Variants in DNAH3 observed in about 807,000 individuals in gnomAD.
DNAH3 encodes axonemal beta dynein heavy chain 3.
A neutral mutation model predicts 432.5 loss-of-function variants in DNAH3; 332 were observed. The ratio of observed to expected loss-of-function variants is 0.77; its 90% confidence interval spans 0.70 to 0.84. DNAH3 has a LOEUF of 0.84. DNAH3 is among the 40% of genes least tolerant of loss of function. The pLI is 0.00. For synonymous variants in DNAH3, 1,956 were observed against 1,900.2 expected, an observed-to-expected ratio of 1.03 and a Z score of -0.76; for missense variants, 4,861 against 5,114.0, an observed-to-expected ratio of 0.95 and a Z score of 1.51.
Position 21,026,982 on chromosome 16 carries a change from G to C in DNAH3, c.5540+45C>G, listed in dbSNP as rs752256253. The C allele has an allele frequency of 1.0e-4, 144 of 1,387,890 alleles. 2 individuals are homozygous for C. In the South Asian group the frequency reaches 1.7e-3, roughly 16 times the overall value. 86.0% of individuals were successfully genotyped at this position (1,387,890 alleles called of 1,614,324 possible). A position where few individuals can be genotyped will look rare whatever the true frequency, so the allele number is the denominator to read the frequency against. The stretch of plus-strand genomic sequence containing the variant: ...GAGCTTTCTCTTTTGCTTAGGGTGA[G>C]TGGAGCCACACTGTCCCCCGGGGTG... On this transcript the variant is annotated intron_variant, in intron 38 of 61. Transcript: ENST00000261383.
At chr16:20,988,784 G>A (rs1302315954) in intron 44 of DNAH3, among the ~76,000 whole-genome samples, 1 of 152,184 alleles carries the variant, frequency 6.6e-6, no homozygotes, top group Non-Finnish European at 1.5e-5. Context: ...CAGCTCTTAA[G>A]GTGGCGCGTC....
chr16:20,936,623 C>G (rs2083598378), intron 60 of DNAH3, 26 bp downstream of exon 60: 1 of 1,562,770 alleles, frequency 6.4e-7, no homozygotes, highest in African/African-American at 1.4e-5. Flanking sequence ...ATGCCAGGTT[C>G]CCGGTTACCC....
At chr16:21,038,517 G>A (rs1029579371) in intron 33 of DNAH3, among the ~76,000 whole-genome samples, 7 of 152,126 alleles carry the variant, frequency 4.6e-5, no homozygotes, top group Non-Finnish European at 8.8e-5. Context: ...GATTGGCTGC[G>A]TTCAGTGTGG....
At chr16:21,038,440 C>T (rs945533395) in intron 33 of DNAH3, among the ~76,000 whole-genome samples, 1 of 152,104 alleles carries the variant, frequency 6.6e-6, no homozygotes, top group African/African-American at 2.4e-5. Context: ...AGCTCTTGAG[C>T]CCAGGAGTTC....
At chr16:20,987,382 C>T (rs745356579) in exon 47 of DNAH3, 3 of 1,614,018 alleles carry the variant, frequency 1.9e-6, no homozygotes, top group African/African-American at 2.7e-5. Flanking sequence ...TCCTCCTTGT[C>T]AATCAGACGA....
At chr16:21,036,276 A>T (rs941887593) in intron 35 of DNAH3, among the ~76,000 whole-genome samples, 1 of 152,224 alleles carries the variant, frequency 6.6e-6, no homozygotes, top group Non-Finnish European at 1.5e-5. Context: ...CAGTGAGCCA[A>T]GATTGCACCA....
exon 39 of DNAH3, chr16:21,024,694 T>A (rs755802545): frequency 6.2e-7 from 1 of 1,613,666 alleles, no homozygotes; most frequent in Non-Finnish European, 8.5e-7. Flanking sequence ...ATGTAGATCA[T>A]CCCACACCTG....
chr16:20,987,063 TA>T (rs1264581125), intron 47 of DNAH3, among the ~76,000 whole-genome samples: 7 of 152,166 alleles, frequency 4.6e-5, no homozygotes, highest in Non-Finnish European at 1.0e-4. Context: ...ATAATGAACT[TA>T]AAATGCATGT....
In DNAH3 at chr16:21,054,600, GA is replaced by G. The variant is rs2090070669; in HGVS notation, c.3925-67del. 3 of 1,266,268 alleles carry G rather than the reference GA, an allele frequency of 2.4e-6. No homozygotes were observed. The East Asian group carries it at 7.4e-5, about 31-fold the overall frequency. The allele number at this position is 1,266,268 out of a possible 1,614,324, so 78.4% of individuals were successfully genotyped here. On this transcript the variant is annotated intron_variant, in intron 27 of 61. Coordinates refer to ENST00000261383, the Ensembl canonical transcript of DNAH3. The stretch of plus-strand genomic sequence containing the variant: ...TCTCCTCTGGTAATCCCCATGTCAA[GA>G]AATGGTACCATGGACCACCGGATGG...
chr16:20,944,645 T>C (rs1364802685), exon 58 of DNAH3: 1 of 1,614,006 alleles, frequency 6.2e-7, no homozygotes. Context: ...GGGAGATTCC[T>C]GAGATAGTCG....
rs1483190684 is a variant in DNAH3, at chr16:21,126,215, T to G, written c.1209-845A>C. Among the ~76,000 whole-genome samples the G allele has an allele frequency of 2.0e-5, 3 of 152,052 alleles. No individual in the cohort carries two copies. The East Asian group carries it at 5.8e-4, about 29-fold the overall frequency. On this transcript the variant is annotated intron_variant, in intron 8 of 61. Transcript: ENST00000261383. The stretch of plus-strand genomic sequence containing the variant: ...AAACAAAAAGAAATAGATGCTTCAT[T>G]GTTTCTTTCCTCCCATGTCCCCCAG...
Position 20,933,162 on chromosome 16 carries a change from C to T in DNAH3, c.12343G>A (p.Asp4115Asn), listed in dbSNP as rs527535999. 20 of 1,609,372 alleles carry T rather than the reference C, an allele frequency of 1.2e-5. No individual in the cohort carries two copies. The African/African-American group carries it at 1.9e-4, about 15-fold the overall frequency. ...TCTTGAGACAAATGCCATCAGTTAT[C>T]CAGCTGGCACAGTGAGGCCACCCCT... Residue 4115 changes from aspartate to asparagine, a missense_variant, in exon 62 of 62, where the codon GAT (aspartate) becomes AAT (asparagine). Asp to Asn is a conservative substitution (Grantham distance 23, BLOSUM62 1). Coordinates refer to ENST00000261383, the Ensembl canonical transcript of DNAH3.
intron 11 of DNAH3, among the ~76,000 whole-genome samples, chr16:21,119,203 A>C (rs2092278950): frequency 6.6e-6 from 1 of 152,214 alleles, no homozygotes; most frequent in South Asian, 2.1e-4. Flanking sequence ...GTGACAGATC[A>C]CAAGTGGGCA....
chr16:21,077,800 T>G (rs2091027012), intron 20 of DNAH3, among the ~76,000 whole-genome samples: 1 of 152,180 alleles, frequency 6.6e-6, no homozygotes, highest in Non-Finnish European at 1.5e-5. Flanking sequence ...AGAGACCATC[T>G]GATATTTACT....
At chr16:21,151,211 T>C (rs992970029) in intron 1 of DNAH3, among the ~76,000 whole-genome samples, 5 of 152,100 alleles carry the variant, frequency 3.3e-5, no homozygotes, top group Non-Finnish European at 5.9e-5. Flanking sequence ...AAAATGGCAA[T>C]AATGTGAGTC....
chr16:20,935,610 G>GT lies in DNAH3; in HGVS notation c.11860-126dup, dbSNP rs1179697723. 29 of 1,045,186 alleles carry GT rather than the reference G, an allele frequency of 2.8e-5. No homozygotes were observed. In the Middle Eastern group the frequency reaches 2.0e-3, roughly 72 times the overall value. 64.7% of individuals were successfully genotyped at this position (1,045,186 alleles called of 1,614,324 possible). On this transcript the variant is annotated intron_variant, in intron 60 of 61. Transcript: ENST00000261383. Reference sequence around the variant, plus strand: ...TATTTTTCTTGAAACAGCCCTCTTGGTTTAGCTTCTATCTTCCCACTTTTG... The same window carrying GT: ...TATTTTTCTTGAAACAGCCCTCTTGGTTTTAGCTTCTATCTTCCCACTTTTG...
chr16:21,139,656 T>C (rs147432036), intron 5 of DNAH3, among the ~76,000 whole-genome samples: 8 of 151,808 alleles, frequency 5.3e-5, no homozygotes, highest in African/African-American at 1.9e-4. Context: ...TTTGTAGAGA[T>C]TGGGTTTCTC....
At chr16:21,106,631 C>G in exon 15 of DNAH3, 1 of 1,606,898 alleles carries the variant, frequency 6.2e-7, no homozygotes, top group Non-Finnish European at 8.5e-7. Flanking sequence ...TTGGCAGGAA[C>G]CTCACTGACT....
chr16:20,948,669 C>T, intron 56 of DNAH3, 32 bp from the exon 57 acceptor site: 1 of 1,612,546 alleles, frequency 6.2e-7, no homozygotes, highest in Non-Finnish European at 8.5e-7. Context: ...AGAGGTTGAG[C>T]CCAGGGAAGG....
Sources: allele counts gnomAD v4.1 joint callset (sites outside exome capture counted in the v4.1 genomes callset), GRCh38; gene constraint gnomAD v4.1.1; transcripts MANE v1.5; gene names NCBI Gene and HGNC (gene_info 2026-07-23, HGNC 2026-07-21).